The following DLGAP1 variants were observed in gnomAD, a reference collection of about 807,000 sequenced individuals.
The protein encoded by DLGAP1 is DLG associated protein 1, also known as disks large-associated protein 1.
DLGAP1 carries 11 observed loss-of-function variants against 90.8 expected under a neutral mutation model. The observed-to-expected ratio is 0.12, with a 90% CI of 0.08 to 0.20. The LOEUF is 0.20. Among genes scored for constraint, DLGAP1 ranks in the 10% least tolerant of loss-of-function variants. The pLI is 1.00. For missense variants in DLGAP1, 1,050 were observed against 1,333.8 expected, an observed-to-expected ratio of 0.79 and a Z score of 3.31; for synonymous variants, 558 against 540.7, an observed-to-expected ratio of 1.03 and a Z score of -0.44.
intron 7 of DLGAP1, among the ~76,000 whole-genome samples, chr18:3,602,593 CAAAA>C (rs71159102): frequency 7.5e-5 from 5 of 66,700 alleles, no homozygotes; most frequent in Non-Finnish European, 1.4e-4. Flanking sequence ...AGACTCCGTC[CAAAA>C]AAAAAAAAAA....
intron 7 of DLGAP1, among the ~76,000 whole-genome samples, chr18:3,707,070 GT>G (rs2061456864): frequency 6.6e-6 from 1 of 152,162 alleles, no homozygotes; most frequent in African/African-American, 2.4e-5. Context: ...GAAATGGGTT[GT>G]TAAGGGACTG....
chr18:4,109,387 A>T lies in DLGAP1; in HGVS notation c.-159+41793T>A, dbSNP rs2075930786. Among the ~76,000 whole-genome samples, 2 of 152,144 alleles carry T rather than the reference A, an allele frequency of 1.3e-5. 1 individual carries two copies. Among genetic ancestry groups the T allele is most frequent in the Non-Finnish European group, 2.9e-5 (2 of 68,018 alleles). ...AGAGGTTCCACCCACACTCAAAAGG[A>T]GGGAATTGTACATCAGCGTGGGGCA... is the stretch of plus-strand genomic sequence containing the variant. On this transcript the variant is annotated intron_variant, in intron 2 of 12. Transcript: ENST00000315677.
intron 7 of DLGAP1, among the ~76,000 whole-genome samples, chr18:3,590,567 G>A (rs1414037635): frequency 6.6e-6 from 1 of 152,088 alleles, no homozygotes; most frequent in Non-Finnish European, 1.5e-5. Context: ...TGAAAATTGA[G>A]TGTAGGGTCA....
At chr18:3,667,286 C>T (rs2059918793) in intron 7 of DLGAP1, among the ~76,000 whole-genome samples, 1 of 152,074 alleles carries the variant, frequency 6.6e-6, no homozygotes, top group Admixed American at 6.5e-5. Context: ...ACCATGTTGG[C>T]CAGGCTGGTC....
At chr18:3,527,378 A>G (rs1729076263) in intron 10 of DLGAP1, among the ~76,000 whole-genome samples, 1 of 144,266 alleles carries the variant, frequency 6.9e-6, no homozygotes, top group Admixed American at 7.0e-5. Flanking sequence ...TGAACCTCAA[A>G]TTTCCAGTGA....
In DLGAP1 at chr18:4,342,968, G is replaced by T. The variant is rs923168715; in HGVS notation, c.-267+112038C>A. Among the ~76,000 whole-genome samples, 1 of 152,134 alleles carries T rather than the reference G, an allele frequency of 6.6e-6. No homozygotes were observed. Among genetic ancestry groups the T allele is most frequent in the Non-Finnish European group, 1.5e-5 (1 of 68,030 alleles). On this transcript the variant is annotated intron_variant, in intron 1 of 12. Coordinates refer to ENST00000315677, the MANE Select transcript of DLGAP1 (RefSeq NM_004746.4). This position sits in a 1 kb window ranked among gnomAD's most constrained non-coding sequence, Gnocchi z 5.8. ...AGCTCACGGATTATTTCAGATTCAG[G>T]ATTGTACTGGGATAAATATAATCTA...
At chr18:4,329,616 T>C (rs1246804767) in intron 1 of DLGAP1, among the ~76,000 whole-genome samples, 4 of 151,988 alleles carry the variant, frequency 2.6e-5, no homozygotes, top group African/African-American at 7.2e-5. Flanking sequence ...GGTTGAGTCA[T>C]CTAATCTGTG....
rs1330762059 is a variant in DLGAP1 at position 4,449,904 on chromosome 18, T to TCTGAA, written c.-267+5097_-267+5101dup. Among the ~76,000 whole-genome samples, 16 of 152,284 alleles carry TCTGAA rather than the reference T, an allele frequency of 1.1e-4. No individual in the cohort carries two copies. In the East Asian group the frequency reaches 1.9e-3, roughly 18 times the overall value. On this transcript the variant is annotated intron_variant, in intron 1 of 12. Coordinates refer to ENST00000315677, the MANE Select transcript of DLGAP1 (RefSeq NM_004746.4). ...AAGCTCTAGAATCAAGTGAGTCTTA[T>TCTGAA]CTGAACTACCTAGGCAAGGATTCAC... is the stretch of plus-strand genomic sequence containing the variant.
intron 7 of DLGAP1, among the ~76,000 whole-genome samples, chr18:3,701,622 G>A (rs906773925): frequency 1.3e-5 from 2 of 152,214 alleles, no homozygotes; most frequent in Admixed American, 1.3e-4. Flanking sequence ...TATGGCCAAG[G>A]AGTCCATTTG....
chr18:4,226,078 C>T (rs1275720717), intron 1 of DLGAP1, among the ~76,000 whole-genome samples: 1 of 152,112 alleles, frequency 6.6e-6, no homozygotes. Flanking sequence ...CAATGAAACT[C>T]CGATGCACCT....
intron 7 of DLGAP1, among the ~76,000 whole-genome samples, chr18:3,600,969 G>GATATATAGATATATATAGATAGATGTAT (rs1555695758): frequency 4.6e-5 from 4 of 87,504 alleles, no homozygotes; most frequent in Non-Finnish European, 4.8e-5. Context: ...TAGATATATA[G>GATATATAGATATATATAGATAGATGTAT]ATAGATATAT....
intron 1 of DLGAP1, among the ~76,000 whole-genome samples, chr18:4,266,223 T>C (rs2079129141): frequency 6.6e-6 from 1 of 151,968 alleles, no homozygotes; most frequent in Admixed American, 6.6e-5. Context: ...GCAGGCCCTT[T>C]ATAAGTAGCT....
chr18:3,794,860 C>A (rs760899594), intron 5 of DLGAP1, among the ~76,000 whole-genome samples: 18 of 152,182 alleles, frequency 1.2e-4, no homozygotes, highest in Admixed American at 4.6e-4. Flanking sequence ...AGAAAAAGTG[C>A]GTCACTGGTT....
chr18:3,632,283 T>G (rs2058552713), intron 7 of DLGAP1, among the ~76,000 whole-genome samples: 1 of 151,956 alleles, frequency 6.6e-6, no homozygotes, highest in African/African-American at 2.4e-5. Context: ...GTCTTCATTC[T>G]GGAAAAATAT....
intron 1 of DLGAP1, among the ~76,000 whole-genome samples, chr18:4,241,190 C>T (rs748803759): frequency 9.2e-5 from 14 of 152,128 alleles, no homozygotes; most frequent in African/African-American, 1.2e-4. Context: ...GGATGAGACA[C>T]GGCAATGTGT....
rs1568278003 is a variant in DLGAP1 at position 3,600,775 on chromosome 18, G to GATATATAGATATATAGAT, written c.1592-18528_1592-18527insATCTATATATCTATATAT. On this transcript the variant is annotated intron_variant, in intron 7 of 12. Transcript: ENST00000315677. Reference sequence around the variant, plus strand: ...ATATATAGATATATAGATATATATAGATATATAGATATATATAGATATATA... The same window carrying GATATATAGATATATAGAT: ...ATATATAGATATATAGATATATATAGATATATAGATATATAGATATATATAGATATATATAGATATATA... 2.1e-3 allele frequency among the ~76,000 whole-genome samples: 23 copies of GATATATAGATATATAGAT among 11,110 alleles called. 4 individuals are homozygous for GATATATAGATATATAGAT. Among genetic ancestry groups the GATATATAGATATATAGAT allele is most frequent in the South Asian group, 6.7e-3 (4 of 596 alleles). The allele number at this position is 11,110 out of a possible 152,430, so 7.3% of individuals were successfully genotyped here.
At chr18:3,643,599 G>C (rs912055375) in intron 7 of DLGAP1, among the ~76,000 whole-genome samples, 7 of 142,970 alleles carry the variant, frequency 4.9e-5, no homozygotes, top group African/African-American at 1.6e-4. Context: ...GGAGGCAGAG[G>C]TTGCAGTGAG....
intron 7 of DLGAP1, among the ~76,000 whole-genome samples, chr18:3,697,008 T>C (rs1453505179): frequency 1.3e-5 from 2 of 152,216 alleles, no homozygotes; most frequent in African/African-American, 4.8e-5. Context: ...TATTCTCTCA[T>C]GGTAGTTTGT....
intron 1 of DLGAP1, among the ~76,000 whole-genome samples, chr18:4,442,473 C>T (rs1598428815): frequency 6.6e-6 from 1 of 152,110 alleles, no homozygotes; most frequent in East Asian, 1.9e-4. Context: ...CAATTAATAA[C>T]CTAGTGGGAG....
Sources: gnomAD v4.1 joint callset for allele counts (sites outside exome capture counted in the v4.1 genomes callset) on GRCh38, gnomAD v4.1.1 for gene constraint, Gnocchi (gnomAD v3.1) non-coding constraint, MANE v1.5 for transcripts, NCBI Gene and HGNC (gene_info 2026-07-23, HGNC 2026-07-21) for gene names.